SNTG2: variants seen among roughly 807,000 people sequenced by gnomAD.
SNTG2 encodes the protein syntrophin gamma 2.
Under a neutral mutation model 70.9 loss-of-function variants are expected in SNTG2, and 74 were observed. That is an observed-to-expected ratio of 1.04 (90% confidence interval 0.86 to 1.27). SNTG2 has a LOEUF of 1.27. Among genes scored for constraint, SNTG2 ranks in the 50% most tolerant of loss-of-function variants. SNTG2 has a pLI of 0.00. For synonymous variants in SNTG2, 278 were observed against 273.8 expected (o/e 1.02, Z -0.15); for missense variants, 717 against 690.7 (o/e 1.04, Z -0.43).
Position 1,084,299 on chromosome 2 carries a change from G to A in SNTG2, c.210+644G>A, listed in dbSNP as rs189535916. Reference sequence around the variant, plus strand: ...AATCCTGTGATCAGTGTTTCTGAAAGAGGTGCAGATGTTAGCAAAGTATGA... The same window carrying A: ...AATCCTGTGATCAGTGTTTCTGAAAAAGGTGCAGATGTTAGCAAAGTATGA... On this transcript the variant is annotated intron_variant, in intron 2 of 16. Transcript: ENST00000308624. Among the ~76,000 whole-genome samples, 3 of 152,338 alleles carry A rather than the reference G, an allele frequency of 2.0e-5. No individual in the cohort carries two copies. The East Asian group carries it at 5.8e-4, about 29-fold the overall frequency.
intron 1 of SNTG2, among the ~76,000 whole-genome samples, chr2:1,075,239 C>T (rs1232755594): frequency 6.6e-6 from 1 of 152,198 alleles, no homozygotes; most frequent in East Asian, 1.9e-4. Flanking sequence ...GTCCTAGGCA[C>T]TGTTGGCCTC....
At chr2:1,103,391 ATTT>A in intron 4 of SNTG2, 1 of 234,112 alleles carries the variant, frequency 4.3e-6, no homozygotes, top group South Asian at 4.6e-5. Flanking sequence ...TTTTTTTTTT[ATTT>A]TTTTTTTTAG....
At chr2:1,106,595 C>T (rs1367358665) in intron 4 of SNTG2, among the ~76,000 whole-genome samples, 2 of 141,146 alleles carry the variant, frequency 1.4e-5, no homozygotes, top group Non-Finnish European at 3.0e-5. Context: ...ACAGTGGACA[C>T]GTGCTGTCAC....
intron 9 of SNTG2, among the ~76,000 whole-genome samples, chr2:1,216,956 A>G (rs976308608): frequency 6.6e-6 from 1 of 152,060 alleles, no homozygotes; most frequent in Non-Finnish European, 1.5e-5. Flanking sequence ...CATGTGAAAA[A>G]GGGCCAAGCT....
intron 12 of SNTG2, among the ~76,000 whole-genome samples, chr2:1,254,697 G>C (rs561618000): frequency 5.3e-5 from 8 of 152,104 alleles, no homozygotes; most frequent in African/African-American, 1.9e-4. Flanking sequence ...CTACAATTTC[G>C]GCTCCATTTC....
intron 1 of SNTG2, among the ~76,000 whole-genome samples, chr2:1,009,780 G>C (rs928696119): frequency 6.6e-6 from 1 of 152,196 alleles, no homozygotes; most frequent in Non-Finnish European, 1.5e-5. Context: ...GTGGAACCAC[G>C]TGAATTCTCT....
intron 8 of SNTG2, among the ~76,000 whole-genome samples, chr2:1,193,905 A>G (rs1672747285): frequency 6.6e-6 from 1 of 152,372 alleles, no homozygotes; most frequent in East Asian, 1.9e-4. Context: ...TAGTTGGTAT[A>G]TTCTGACTTT....
At chr2:1,025,866 ATCAT>A (rs756975221) in intron 1 of SNTG2, among the ~76,000 whole-genome samples, 3 of 152,152 alleles carry the variant, frequency 2.0e-5, no homozygotes, top group African/African-American at 7.2e-5. Flanking sequence ...CATAGACAGC[ATCAT>A]TCATTCATTC....
At chr2:1,322,569 T>G (rs978338455) in intron 16 of SNTG2, among the ~76,000 whole-genome samples, 4 of 152,158 alleles carry the variant, frequency 2.6e-5, no homozygotes, top group African/African-American at 9.7e-5. Flanking sequence ...AGACATCTGG[T>G]ACCAGATTCA....
chr2:1,196,945 T>C (rs1219750423), intron 8 of SNTG2, among the ~76,000 whole-genome samples: 1 of 151,912 alleles, frequency 6.6e-6, no homozygotes, highest in Non-Finnish European at 1.5e-5. Context: ...AGTTTAAAAC[T>C]CATTGGTAGA....
At chr2:1,119,262 G>C (rs1429116653) in intron 4 of SNTG2, among the ~76,000 whole-genome samples, 1 of 152,134 alleles carries the variant, frequency 6.6e-6, no homozygotes, top group Admixed American at 6.5e-5. Context: ...CACTATGCTT[G>C]CTGTATCTGA....
intron 16 of SNTG2, among the ~76,000 whole-genome samples, chr2:1,335,022 A>G (rs1162699563): frequency 1.3e-5 from 2 of 152,184 alleles, no homozygotes; most frequent in African/African-American, 4.8e-5. Context: ...TTAAATGGTT[A>G]TGTTGTTTCT....
intron 1 of SNTG2, among the ~76,000 whole-genome samples, chr2:1,047,483 G>A (rs1209446294): frequency 6.6e-6 from 1 of 152,218 alleles, no homozygotes; most frequent in Non-Finnish European, 1.5e-5. Flanking sequence ...GTGGTGAGAT[G>A]TGTGCTGATA....
rs373878509 is a variant in SNTG2, at chr2:1,019,192, A to T, written c.73-64326A>T. Among the ~76,000 whole-genome samples, 99 of 152,320 alleles carry T rather than the reference A, an allele frequency of 6.5e-4. 1 individual carries two copies. Among genetic ancestry groups the T allele is most frequent in the African/African-American group, 2.3e-3 (97 of 41,582 alleles). On this transcript the variant is annotated intron_variant, in intron 1 of 16. Transcript: ENST00000308624. ...TGCATCAAACAGTCCCCTTTGGCTC[A>T]GCTTCATGTGATGGGCAATGAGGTT...
chr2:1,259,925 G>A (rs771892296), intron 13 of SNTG2, among the ~76,000 whole-genome samples: 16 of 152,208 alleles, frequency 1.1e-4, no homozygotes, highest in Non-Finnish European at 1.8e-4. Flanking sequence ...GCCTGGAGGT[G>A]CAGCAGGGCC....
intron 15 of SNTG2, among the ~76,000 whole-genome samples, chr2:1,310,530 C>T (rs1680929349): frequency 6.6e-6 from 1 of 152,188 alleles, no homozygotes; most frequent in African/African-American, 2.4e-5. Flanking sequence ...CTGATTTTCA[C>T]CTGGAGTGGC....
intron 4 of SNTG2, among the ~76,000 whole-genome samples, chr2:1,103,880 T>C (rs1265537430): frequency 6.6e-6 from 1 of 152,184 alleles, no homozygotes; most frequent in Admixed American, 6.5e-5. Flanking sequence ...AATAGACTGA[T>C]TTCTTGCTTT....
At chr2:1,133,942 G>A (rs781780727) in intron 4 of SNTG2, among the ~76,000 whole-genome samples, 4 of 152,142 alleles carry the variant, frequency 2.6e-5, no homozygotes, top group Non-Finnish European at 4.4e-5. Flanking sequence ...TAAAGATGGC[G>A]TGTCCGGAGT....
intron 16 of SNTG2, among the ~76,000 whole-genome samples, chr2:1,355,558 A>T (rs1012835524): frequency 5.9e-5 from 9 of 152,190 alleles, no homozygotes; most frequent in African/African-American, 2.2e-4. Flanking sequence ...GTACCTGCAT[A>T]CACCATACTT....
Sources: gnomAD v4.1 joint callset for allele counts (sites outside exome capture counted in the v4.1 genomes callset) on GRCh38, gnomAD v4.1.1 for gene constraint, MANE v1.5 for transcripts, NCBI Gene and HGNC (gene_info 2026-07-23, HGNC 2026-07-21) for gene names.